Variants in CEP63 observed in about 807,000 individuals in gnomAD.
The protein encoded by CEP63 is centrosomal protein 63, also known as centrosomal protein of 63 kDa.
A neutral mutation model predicts 89.1 loss-of-function variants in CEP63; 84 were observed. The ratio of observed to expected loss-of-function variants is 0.94; its 90% confidence interval spans 0.79 to 1.13. CEP63 has a LOEUF of 1.13. Among genes scored for constraint, CEP63 ranks in the 50% most tolerant of loss-of-function variants. The pLI, the probability that CEP63 is intolerant of heterozygous loss-of-function variation, is 0.00. For missense variants in CEP63, 838 were observed against 813.3 expected, an observed-to-expected ratio of 1.03 and a Z score of -0.37; for synonymous variants, 267 against 272.5, an observed-to-expected ratio of 0.98 and a Z score of 0.20.
chr3:134,751,935 T>C, the CEP63 span, among the ~76,000 whole-genome samples: 1 of 152,166 alleles, frequency 6.6e-6, no homozygotes. Flanking sequence ...TCATTGGTTT[T>C]ATTGGAGTTG....
intron 3 of CEP63, among the ~76,000 whole-genome samples, chr3:134,510,336 A>C (rs555801901): frequency 5.3e-5 from 8 of 152,218 alleles, no homozygotes; most frequent in Non-Finnish European, 1.0e-4. Flanking sequence ...ATTAGAGTCT[A>C]TATCTCAGCC....
chr3:134,561,781 C>G lies in CEP63; in HGVS notation c.*246C>G. ...CACTTTGCTAGACTTTTTTCTCATA[C>G]GAATATTTATTATCATAAAGTGATA... On this transcript the variant is annotated 3_prime_UTR_variant, in exon 15 of 15. Coordinates refer to ENST00000675561, the MANE Select transcript of CEP63 (RefSeq NM_001353108.3). 2 of 1,295,432 alleles carry G rather than the reference C, an allele frequency of 1.5e-6. No homozygotes were observed. The highest frequency in any genetic ancestry group is 2.0e-6 in the Non-Finnish European group (2 of 1,017,138). 80.2% of individuals were successfully genotyped at this position (1,295,432 alleles called of 1,614,324 possible).
At chr3:134,775,303 T>G in the CEP63 span, among the ~76,000 whole-genome samples, 1 of 152,176 alleles carries the variant, frequency 6.6e-6, no homozygotes, top group African/African-American at 2.4e-5. Context: ...GATGCAGTCC[T>G]GGCTGGAGCC....
downstream of CEP63, among the ~76,000 whole-genome samples, chr3:134,575,739 G>A (rs527501700): frequency 3.9e-5 from 6 of 152,178 alleles, no homozygotes; most frequent in African/African-American, 1.4e-4. Flanking sequence ...AGCCTGCTGA[G>A]TAGCTGTGAT....
chr3:134,741,284 T>C, the CEP63 span, among the ~76,000 whole-genome samples: 1 of 152,226 alleles, frequency 6.6e-6, no homozygotes, highest in South Asian at 2.1e-4. Context: ...GTGAAAAATA[T>C]AAGCCAGGAG....
the CEP63 span, among the ~76,000 whole-genome samples, chr3:134,761,604 AC>A: frequency 6.6e-6 from 1 of 152,210 alleles, no homozygotes; most frequent in Admixed American, 6.5e-5. Context: ...TCCACTCGCC[AC>A]CCTGGGCAAT....
chr3:134,692,952 G>T, the CEP63 span, among the ~76,000 whole-genome samples: 1 of 152,130 alleles, frequency 6.6e-6, no homozygotes, highest in Non-Finnish European at 1.5e-5. Context: ...TTTCTCGCTT[G>T]AATCCATTTT....
At chr3:134,762,390 T>A in the CEP63 span, among the ~76,000 whole-genome samples, 1 of 152,148 alleles carries the variant, frequency 6.6e-6, no homozygotes, top group African/African-American at 2.4e-5. Context: ...CAAAAGTGCA[T>A]GTGAGTGGGG....
the CEP63 span, among the ~76,000 whole-genome samples, chr3:134,658,513 C>G: frequency 1.5e-3 from 222 of 152,248 alleles, 1 homozygote; most frequent in African/African-American, 5.1e-3. Context: ...CCTGAATCCC[C>G]CAACACTTTG....
the CEP63 span, among the ~76,000 whole-genome samples, chr3:134,682,391 A>T: frequency 6.6e-6 from 1 of 152,192 alleles, no homozygotes; most frequent in Non-Finnish European, 1.5e-5. Context: ...TAAGAGTTGC[A>T]AATCATTAAC....
At chr3:134,756,321 T>C in the CEP63 span, among the ~76,000 whole-genome samples, 1 of 152,210 alleles carries the variant, frequency 6.6e-6, no homozygotes, top group South Asian at 2.1e-4. Flanking sequence ...GGCAAGGTGT[T>C]GGGGAGGCCC....
chr3:134,640,914 A>G, the CEP63 span, among the ~76,000 whole-genome samples: 1 of 152,182 alleles, frequency 6.6e-6, no homozygotes, highest in African/African-American at 2.4e-5. Flanking sequence ...TTGGATGTCT[A>G]CAACCATCTA....
chr3:134,705,127 A>G, the CEP63 span, among the ~76,000 whole-genome samples: 2 of 152,192 alleles, frequency 1.3e-5, no homozygotes, highest in African/African-American at 4.8e-5. Flanking sequence ...GTCTTAGTTC[A>G]TTTTGAGTTG....
At chr3:134,739,606 G>A in the CEP63 span, among the ~76,000 whole-genome samples, 1 of 151,982 alleles carries the variant, frequency 6.6e-6, no homozygotes, top group Non-Finnish European at 1.5e-5. Context: ...GATGACTCTC[G>A]TAAACATAAT....
At chr3:134,583,423 T>G (rs1369034822) in intron 10 of CEP63, among the ~76,000 whole-genome samples, 2 of 152,232 alleles carry the variant, frequency 1.3e-5, no homozygotes, top group Non-Finnish European at 2.9e-5. Flanking sequence ...CCAGCACCAT[T>G]TATTAAATAG....
chr3:134,537,115 A>T (rs760883586), intron 5 of CEP63, 40 bp from the exon 6 acceptor site: 6 of 1,211,164 alleles, frequency 5.0e-6, no homozygotes, highest in Non-Finnish European at 7.4e-6. Context: ...GACAGTGAGG[A>T]GAAGCACTCA....
At chr3:134,620,823 C>G in the CEP63 span, 3 of 1,613,176 alleles carry the variant, frequency 1.9e-6, no homozygotes, top group Non-Finnish European at 2.5e-6. Flanking sequence ...GAGCAGGTCA[C>G]TCACCAGTTC....
the CEP63 span, among the ~76,000 whole-genome samples, chr3:134,623,593 A>C: frequency 1.5e-5 from 2 of 131,492 alleles, no homozygotes; most frequent in African/African-American, 5.9e-5. Flanking sequence ...AGTTCTGCTC[A>C]TGTCTAGCCT....
the CEP63 span, chr3:134,621,001 G>A: frequency 4.0e-5 from 25 of 624,404 alleles, no homozygotes; most frequent in Admixed American, 1.5e-4. Flanking sequence ...GCTGGCTGAG[G>A]ACAAATTGGG....
Sources: allele counts gnomAD v4.1 joint callset (sites outside exome capture counted in the v4.1 genomes callset), GRCh38; gene constraint gnomAD v4.1.1; transcripts MANE v1.5; gene names NCBI Gene and HGNC (gene_info 2026-07-23, HGNC 2026-07-21).